The following NUDT21 variants were observed in gnomAD, a reference collection of about 807,000 sequenced individuals.
NUDT21 encodes cleavage and polyadenylation specificity factor subunit 5.
NUDT21 carries 5 observed loss-of-function variants against 29.8 expected under a neutral mutation model. The ratio of observed to expected loss-of-function variants is 0.17; its 90% CI spans 0.09 to 0.35. NUDT21 has a LOEUF of 0.35. Among genes scored for constraint, NUDT21 ranks in the 10% least tolerant of loss-of-function variants. NUDT21 has a pLI of 1.00. For synonymous variants in NUDT21, 113 were observed against 98.5 expected, an observed-to-expected ratio of 1.15 and a Z score of -0.87; for missense variants, 76 against 276.0, an observed-to-expected ratio of 0.28 and a Z score of 5.13.
intron 6 of NUDT21, among the ~76,000 whole-genome samples, chr16:56,433,971 G>A (rs1158694076): frequency 2.6e-5 from 4 of 152,238 alleles, no homozygotes; most frequent in Non-Finnish European, 4.4e-5. Context: ...ACAGGCATGA[G>A]CCACTACATC....
At chr16:56,442,659 C>T (rs1699226315) in intron 3 of NUDT21, among the ~76,000 whole-genome samples, 1 of 152,168 alleles carries the variant, frequency 6.6e-6, no homozygotes, top group African/African-American at 2.4e-5. Flanking sequence ...GCCAGTAGGT[C>T]TTCTCAATCT....
intron 5 of NUDT21, 67 bp from the exon 6 acceptor site, chr16:56,434,512 T>A: frequency 1.1e-6 from 1 of 903,582 alleles, no homozygotes; most frequent in East Asian, 2.6e-5. Flanking sequence ...CATTTTTAAA[T>A]TACCAATTTT....
At chr16:56,435,756 T>TATATATATATATATATATATAG (rs1962094823) in intron 4 of NUDT21, among the ~76,000 whole-genome samples, 1 of 73,160 alleles carries the variant, frequency 1.4e-5, no homozygotes, top group East Asian at 4.4e-4. Flanking sequence ...TATATATATA[T>TATATATATATATATATATATAG]ATATATATAT....
intron 4 of NUDT21, among the ~76,000 whole-genome samples, chr16:56,437,663 A>C (rs1962118205): frequency 6.6e-6 from 1 of 152,164 alleles, no homozygotes; most frequent in Non-Finnish European, 1.5e-5. Flanking sequence ...TAACAGAACA[A>C]ATCCAGTTGC....
At chr16:56,433,781 G>C (rs574846373) in intron 6 of NUDT21, among the ~76,000 whole-genome samples, 3 of 152,048 alleles carry the variant, frequency 2.0e-5, no homozygotes, top group Admixed American at 2.0e-4. Flanking sequence ...TCTGCCTCCC[G>C]GGTTCAAGCA....
At position 56,434,788 on chromosome 16, in the gene NUDT21, A is replaced by G. The variant is rs1455347771; in HGVS notation, c.513T>C (p.His171=). 6.2e-7 allele frequency: 1 copy of G among 1,603,928 alleles called. No homozygotes were observed. The highest frequency in any genetic ancestry group is 8.5e-7 in the Non-Finnish European group (1 of 1,171,948). ...IPAHITKPKE[H]KKLFLVQLQE... is the part of the protein sequence containing the mutation. The stretch of plus-strand genomic sequence containing the variant: ...GAAGCTGAACCAGAAACAACTTCTT[A>G]TGTTCCTTAGGCTTTGTAATATGTG... Residue 171 remains histidine, a synonymous_variant, in exon 5 of 7, where the codon CAT becomes CAC. Transcript: ENST00000300291.
intron 4 of NUDT21, 167 bp from the exon 5 acceptor site, chr16:56,434,996 A>G: frequency 2.2e-6 from 1 of 447,976 alleles, no homozygotes; most frequent in Non-Finnish European, 3.9e-6. Flanking sequence ...TTTAATGCAT[A>G]TAAAATAACA....
intron 1 of NUDT21, among the ~76,000 whole-genome samples, chr16:56,449,963 A>T (rs1223179230): frequency 1.3e-5 from 2 of 152,148 alleles, no homozygotes; most frequent in Non-Finnish European, 2.9e-5. Context: ...TAAACCCAGC[A>T]TTTCCATTAT....
chr16:56,429,423 T>C lies in NUDT21; in HGVS notation c.*3289A>G, dbSNP rs1203698856. On this transcript the variant is annotated 3_prime_UTR_variant, in exon 7 of 7. Transcript: ENST00000300291. ...CCAACTTATCTCTATTTTTACGATATGATCCATTACTAAGATACAAAATAC... is the reference window on the plus strand; with the variant it reads ...CCAACTTATCTCTATTTTTACGATACGATCCATTACTAAGATACAAAATAC... 3 of 152,224 alleles carry C rather than the reference T, an allele frequency of 2.0e-5. No homozygotes were observed. The highest frequency in any genetic ancestry group is 4.4e-5 in the Non-Finnish European group (3 of 68,036). The allele number at this position is 152,224 out of a possible 1,614,324, so 9.4% of individuals were successfully genotyped here.
At chr16:56,439,377 T>C in intron 4 of NUDT21, 3 of 317,386 alleles carry the variant, frequency 9.5e-6, no homozygotes, top group Non-Finnish European at 1.8e-5. Context: ...TTCACCATGT[T>C]GGCCAGGCTG....
In NUDT21 at chr16:56,440,545, GAAT is replaced by G. The variant is rs372639692; in HGVS notation, c.382-802_382-800del. Reference sequence around the variant, plus strand: ...GTTTGATGATCTTGATAGCTTTGAGGAATACTGGTCAAGTATTTTGTAAAACAT... The same window carrying G: ...GTTTGATGATCTTGATAGCTTTGAGGACTGGTCAAGTATTTTGTAAAACAT... On this transcript the variant is annotated intron_variant, in intron 3 of 6. Transcript: ENST00000300291. Among the ~76,000 whole-genome samples the G allele has an allele frequency of 7.8e-3, 1,183 of 152,244 alleles. 19 individuals carry two copies. Among genetic ancestry groups the G allele is most frequent in the African/African-American group, 0.027 (1,101 of 41,528 alleles).
At position 56,451,310 on chromosome 16, in the gene NUDT21, T is replaced by C; in HGVS notation, c.-108A>G. 1 of 890,808 alleles carries C rather than the reference T, an allele frequency of 1.1e-6. No individual in the cohort carries two copies. Among genetic ancestry groups the C allele is most frequent in the East Asian group, 2.5e-5 (1 of 40,196 alleles). 55.2% of individuals were successfully genotyped at this position (890,808 alleles called of 1,614,324 possible). On this transcript the variant is annotated 5_prime_UTR_variant, in exon 1 of 7. The change abolishes an upstream ATG in the 5' untranslated region. Transcript: ENST00000300291. ...TCCCCTCAGCGGCTACTGCCCGCCA[T>C]TAACAGGACAGCGCAAGAGGAGGCG...
At chr16:56,450,470 T>C (rs1962280211) in intron 1 of NUDT21, among the ~76,000 whole-genome samples, 1 of 152,226 alleles carries the variant, frequency 6.6e-6, no homozygotes. Context: ...AGGAGGGGCC[T>C]ACTTGTGGTG....
At chr16:56,446,930 G>T in intron 2 of NUDT21, 1 of 354,158 alleles carries the variant, frequency 2.8e-6, no homozygotes. Context: ...TTTTATTGTA[G>T]ATTCAACGGG....
chr16:56,451,194 C>A lies in NUDT21; in HGVS notation c.9G>T (p.Val3=). ...CGGTCTGCGAGCGATTGGGCGGTAC[C>A]ACAGACATGCTGGCGAGCTCCGGCG... MS[V]VPPNRSQTGW... is the part of the protein sequence containing the mutation. Residue 3 remains valine, a synonymous_variant, in exon 1 of 7, where the codon GTG becomes GTT. Transcript: ENST00000300291. The A allele has an allele frequency of 6.2e-7, 1 of 1,601,828 alleles. No individual in the cohort carries two copies. The highest frequency in any genetic ancestry group is 8.5e-7 in the Non-Finnish European group (1 of 1,173,730).
chr16:56,440,748 A>T (rs548876394), intron 3 of NUDT21, among the ~76,000 whole-genome samples: 26 of 151,780 alleles, frequency 1.7e-4, no homozygotes, highest in African/African-American at 5.6e-4. Context: ...CAAAAAAAAA[A>T]TTTTTTTTTG....
At chr16:56,438,329 T>C (rs1217926490) in intron 4 of NUDT21, among the ~76,000 whole-genome samples, 1 of 152,230 alleles carries the variant, frequency 6.6e-6, no homozygotes, top group East Asian at 1.9e-4. Context: ...CTTTTAGAGA[T>C]GTTCTCATGG....
At chr16:56,445,186 A>G (rs1259453000) in intron 3 of NUDT21, among the ~76,000 whole-genome samples, 1 of 152,178 alleles carries the variant, frequency 6.6e-6, no homozygotes, top group Non-Finnish European at 1.5e-5. Flanking sequence ...CTTCGTCTCA[A>G]GAAAAAAAAA....
At position 56,439,690 on chromosome 16, in the gene NUDT21, A is replaced by G. The variant is rs748610162; in HGVS notation, c.438T>C (p.Gly146=). Residue 146 remains glycine, a synonymous_variant, in exon 4 of 7, where the codon GGT becomes GGC. Coordinates refer to ENST00000300291, the MANE Select transcript of NUDT21 (RefSeq NM_007006.3). ...LQDWVIDDCI[G]NWWRPNFEPP... ...GTTCAAAATTTGGTCTCCACCAGTT[A>G]CCAATGCAATCGTCAATGACCCAGT... 1.2e-6 allele frequency: 2 copies of G among 1,613,968 alleles called. No individual in the cohort carries two copies. The highest frequency in any genetic ancestry group is 4.5e-5 in the East Asian group (2 of 44,880).
Sources: allele counts gnomAD v4.1 joint callset (sites outside exome capture counted in the v4.1 genomes callset), GRCh38; gene constraint gnomAD v4.1.1; transcripts MANE v1.5; gene names NCBI Gene and HGNC (gene_info 2026-07-23, HGNC 2026-07-21).